CEP104: variants seen among roughly 807,000 people sequenced by gnomAD.
CEP104 encodes the protein centrosomal protein of 104 kDa.
A neutral mutation model predicts 113.3 loss-of-function variants in CEP104; 84 were observed. The ratio of observed to expected loss-of-function variants is 0.74; its 90% CI spans 0.62 to 0.89. CEP104 has a LOEUF of 0.89. Ranked by LOEUF, CEP104 falls within the 40% of genes least tolerant of loss-of-function variation. CEP104 has a pLI of 0.00. For missense variants in CEP104, 1,053 were observed against 1,156.6 expected, an observed-to-expected ratio of 0.91 and a Z score of 1.30; for synonymous variants, 378 against 421.7, an observed-to-expected ratio of 0.90 and a Z score of 1.27.
intron 1 of CEP104, chr1:3,855,840 G>T: frequency 1.1e-6 from 1 of 926,628 alleles, no homozygotes; most frequent in Non-Finnish European, 1.3e-6. Flanking sequence ...GCAAAGCTCT[G>T]TTGAACATCC....
intron 3 of CEP104, among the ~76,000 whole-genome samples, 177 bp downstream of exon 3, chr1:3,848,431 C>G (rs1644548322): frequency 1.3e-5 from 2 of 150,170 alleles, no homozygotes; most frequent in South Asian, 4.2e-4. Flanking sequence ...ACTCGGGAGG[C>G]TGAGGCAGGA....
Position 3,812,684 on chromosome 1 carries a change from A to C in CEP104, c.*2718T>G, listed in dbSNP as rs1392403718. 1 of 152,022 alleles carries C rather than the reference A, an allele frequency of 6.6e-6. No homozygotes were observed. Among genetic ancestry groups the C allele is most frequent in the Non-Finnish European group, 1.5e-5 (1 of 68,002 alleles). 9.4% of individuals were successfully genotyped at this position (152,022 alleles called of 1,614,324 possible). A position where few individuals can be genotyped will look rare whatever the true frequency, so the allele number is the denominator to read the frequency against. ...GAAACCCCGTCTCTACTAAAAATAC[A>C]AAAAAATTAGCCAGGCGTGGTGACA... On this transcript the variant is annotated 3_prime_UTR_variant, in exon 22 of 22. Transcript: ENST00000378230.
intron 15 of CEP104, 134 bp downstream of exon 15, chr1:3,829,132 C>T (rs1014666596): frequency 1.6e-6 from 1 of 612,692 alleles, no homozygotes; most frequent in South Asian, 2.5e-5. Flanking sequence ...CCAAAACTAA[C>T]CTAAAAAACC....
chr1:3,816,095 T>C, intron 21 of CEP104, 185 bp downstream of exon 21: 1 of 544,716 alleles, frequency 1.8e-6, no homozygotes, highest in Non-Finnish European at 3.2e-6. Context: ...AGAAGGATTT[T>C]GGTCACACGA....
At chr1:3,850,216 A>G (rs1285108146) in intron 2 of CEP104, among the ~76,000 whole-genome samples, 1 of 152,200 alleles carries the variant, frequency 6.6e-6, no homozygotes, top group Non-Finnish European at 1.5e-5. Context: ...AATCCTTCCA[A>G]AAAGGGCCTA....
intron 20 of CEP104, among the ~76,000 whole-genome samples, chr1:3,818,072 G>T (rs190546549): frequency 2.0e-5 from 3 of 152,192 alleles, no homozygotes; most frequent in Non-Finnish European, 4.4e-5. Context: ...AGGCGGCTGC[G>T]ATCAGCTGAA....
rs372729695 is a variant in CEP104 at position 3,855,169 on chromosome 1, C to A, written c.-15+1720G>T. 7.3e-3 allele frequency among the ~76,000 whole-genome samples: 889 copies of A among 121,828 alleles called. 15 individuals are homozygous for A. The highest frequency in any genetic ancestry group is 0.027 in the African/African-American group (850 of 31,182). The allele number at this position is 121,828 out of a possible 152,430, so 79.9% of individuals were successfully genotyped here. On this transcript the variant is annotated intron_variant, in intron 1 of 21. Coordinates refer to ENST00000378230, the MANE Select transcript of CEP104 (RefSeq NM_014704.4). ...TTACAGGCGTGGCCAATAAGCCCAGCCCCGATTTTTTTTTTTTTTTTTTTT... is the reference window on the plus strand; with the variant it reads ...TTACAGGCGTGGCCAATAAGCCCAGACCCGATTTTTTTTTTTTTTTTTTTT...
chr1:3,842,800 G>A (rs192842383), intron 6 of CEP104, among the ~76,000 whole-genome samples: 1,527 of 152,198 alleles, frequency 0.01, 18 homozygotes, highest in Non-Finnish European at 0.014. Flanking sequence ...TTTTTTGTGC[G>A]TGTGTGAGAT....
intron 20 of CEP104, 200 bp from the exon 21 acceptor site, chr1:3,816,570 C>G (rs981059502): frequency 4.0e-6 from 2 of 498,858 alleles, no homozygotes; most frequent in African/African-American, 4.0e-5. Flanking sequence ...GGGTACAACT[C>G]AGGAAGCAAG....
rs1643840771 is a variant in CEP104, at chr1:3,814,365, A to T, written c.*1037T>A. On this transcript the variant is annotated 3_prime_UTR_variant, in exon 22 of 22. Transcript: ENST00000378230. The stretch of plus-strand genomic sequence containing the variant: ...AAAACCCCCAGCTCACTCCCACAGG[A>T]GGGGATGGCTGGTTAGGAGACTGTT... 6.6e-6 allele frequency: 1 copy of T among 152,246 alleles called. No homozygotes were observed. Among genetic ancestry groups the T allele is most frequent in the Non-Finnish European group, 1.5e-5 (1 of 68,040 alleles). 9.4% of individuals were successfully genotyped at this position (152,246 alleles called of 1,614,324 possible).
Position 3,823,455 on chromosome 1 carries a change from C to A in CEP104, c.2472G>T (p.Leu824=). Residue 824 remains leucine, a synonymous_variant, in exon 19 of 22, where the codon CTG becomes CTT. Transcript: ENST00000378230. This position sits in a 1 kb window ranked among gnomAD's most constrained non-coding sequence, Gnocchi z 4.1. Reference sequence around the variant, plus strand: ...AATCCTTGTGTTTTATGTGTCTGGGCAGCTCTTCCTTGAAAACAGCCTCAC... The same window carrying A: ...AATCCTTGTGTTTTATGTGTCTGGGAAGCTCTTCCTTGAAAACAGCCTCAC... ...RCSEAVFKEE[L]PRHIKHKDCN... is the part of the protein sequence containing the mutation. 6.2e-7 allele frequency: 1 copy of A among 1,614,206 alleles called. No homozygotes were observed. The highest frequency in any genetic ancestry group is 8.5e-7 in the Non-Finnish European group (1 of 1,180,038).
At position 3,837,340 on chromosome 1, in the gene CEP104, A is replaced by C. The variant is rs1346964775; in HGVS notation, c.1071T>G (p.Ser357=). The change falls in exon 9 of 22, where the codon TCT becomes TCG. Residue 357 remains serine, a synonymous_variant. Coordinates refer to ENST00000378230, the MANE Select transcript of CEP104 (RefSeq NM_014704.4). ...SYSLTISPQH[S]AVDPLLPATD... is the part of the protein sequence containing the mutation. ...TGGCAGGGAGTAACGGGTCTACTGC[A>C]GAATGCTGAGGAGAAATAGTTAGAG... The C allele has an allele frequency of 6.2e-6, 10 of 1,614,146 alleles. No individual in the cohort carries two copies. The highest frequency in any genetic ancestry group is 8.5e-6 in the Non-Finnish European group (10 of 1,179,972).
chr1:3,815,133 C>G lies in CEP104; in HGVS notation c.*269G>C. On this transcript the variant is annotated 3_prime_UTR_variant, in exon 22 of 22. Transcript: ENST00000378230. ...CTCTCCAAACAGGACGCTTCCTTCT[C>G]TGATTCTAAGGAAGGCCTGAGACAG... is the stretch of plus-strand genomic sequence containing the variant. 2.2e-6 allele frequency: 1 copy of G among 451,730 alleles called. No homozygotes were observed. The allele number at this position is 451,730 out of a possible 1,614,324, so 28.0% of individuals were successfully genotyped here. A position where few individuals can be genotyped will look rare whatever the true frequency, so the allele number is the denominator to read the frequency against.
chr1:3,840,683 C>T (rs897516500), intron 6 of CEP104, among the ~76,000 whole-genome samples: 12 of 152,086 alleles, frequency 7.9e-5, no homozygotes, highest in East Asian at 3.9e-4. Context: ...GGAGTACAGG[C>T]GTGAGCCAGC....
chr1:3,834,896 T>C, intron 11 of CEP104, 29 bp downstream of exon 11: 3 of 1,557,468 alleles, frequency 1.9e-6, no homozygotes, highest in East Asian at 2.4e-5. Flanking sequence ...CCATGCACGC[T>C]GGAGCCAGCG....
At chr1:3,822,282 C>T (rs1011774055) in intron 20 of CEP104, among the ~76,000 whole-genome samples, 2 of 152,138 alleles carry the variant, frequency 1.3e-5, no homozygotes, top group African/African-American at 4.8e-5. Flanking sequence ...AGCCAGATAA[C>T]TGGGTAGACA....
At chr1:3,837,552 T>G (rs775739678) in intron 8 of CEP104, 33 bp from the exon 9 acceptor site, 1 of 1,544,922 alleles carries the variant, frequency 6.5e-7, no homozygotes. Context: ...TAATTTCAAA[T>G]GCCACTGCCA....
Position 3,835,014 on chromosome 1 carries a change from G to A in CEP104, c.1396C>T (p.Pro466Ser), listed in dbSNP as rs1644283554. ...LALSKKLMEM[P>S]VGTPKEDLKN... is the part of the protein sequence containing the mutation. ...AAATCTTCTTTTGGGGTTCCAACAG[G>A]CATTTCCATTAACTTCTTAGACAAG... The change falls in exon 11 of 22, where the codon CCT becomes TCT. Residue 466 changes from proline to serine, a missense_variant. Physicochemically the swap from Pro to Ser is moderately conservative, Grantham distance 74 (BLOSUM62 -1). Transcript: ENST00000378230. 1 of 1,613,750 alleles carries A rather than the reference G, an allele frequency of 6.2e-7. No individual in the cohort carries two copies. Among genetic ancestry groups the A allele is most frequent in the Non-Finnish European group, 8.5e-7 (1 of 1,179,922 alleles).
chr1:3,823,652 C>G lies in CEP104; in HGVS notation c.2365-90G>C. ...GCAGAGCCTGTGAGCGCCTCCCCTG[C>G]CCAGGGAGGTCTGTGCCGCCTGCAC... On this transcript the variant is annotated intron_variant, in intron 18 of 21. Transcript: ENST00000378230. The surrounding 1 kb of genome is among the most constrained non-coding windows in gnomAD (Gnocchi z 4.1). The G allele has an allele frequency of 5.3e-6, 8 of 1,506,098 alleles. No homozygotes were observed. Among genetic ancestry groups the G allele is most frequent in the Non-Finnish European group, 7.3e-6 (8 of 1,093,046 alleles). 93.3% of individuals were successfully genotyped at this position (1,506,098 alleles called of 1,614,324 possible).
Sources: allele counts gnomAD v4.1 joint callset (sites outside exome capture counted in the v4.1 genomes callset), GRCh38; gene constraint gnomAD v4.1.1; non-coding constraint Gnocchi (gnomAD v3.1); transcripts MANE v1.5; gene names NCBI Gene and HGNC (gene_info 2026-07-23, HGNC 2026-07-21).